The following ZNF449 variants were observed in gnomAD, a reference collection of about 807,000 sequenced individuals.
The protein encoded by ZNF449 is zinc finger protein 449.
ZNF449 carries 4 observed loss-of-function variants against 32.6 expected under a neutral mutation model. That is an observed-to-expected ratio of 0.12 (90% CI 0.06 to 0.28). The LOEUF (loss-of-function observed/expected upper bound fraction) is 0.28. Among genes scored for constraint, ZNF449 ranks in the 10% least tolerant of loss-of-function variants. The pLI is 1.00. For synonymous variants in ZNF449, 123 were observed against 132.2 expected (o/e 0.93, Z 0.48); for missense variants, 275 against 383.2 (o/e 0.72, Z 2.36).
intron 2 of ZNF449, 188 bp downstream of exon 2, chrX:135,347,660 C>G: frequency 1.8e-6 from 2 of 1,109,085 alleles, no homozygotes; most frequent in South Asian, 2.3e-5. Context: ...ACTCAATTCC[C>G]CTTCTATAAC....
rs138231663 is a variant in ZNF449, at chrX:135,349,837, A to G, written c.559+523A>G. On this transcript the variant is annotated intron_variant, in intron 3 of 4. Transcript: ENST00000339249. ...TTTGCAGCATGAACACCACAGGTGC[A>G]TGTTTAGCAAGCTCTGCAGGTGAGT... Among the ~76,000 whole-genome samples, 891 of 111,818 alleles carry G rather than the reference A, an allele frequency of 8.0e-3. 8 individuals carry two copies. The highest frequency in any genetic ancestry group is 0.027 in the African/African-American group (841 of 30,746).
intron 1 of ZNF449, 105 bp from the exon 2 acceptor site, chrX:135,346,914 A>G: frequency 2.9e-6 from 1 of 350,535 alleles, no homozygotes; most frequent in Non-Finnish European, 4.9e-6. Context: ...GTCTTTGGTA[A>G]AAAAGAAGTT....
Position 135,360,710 on chromosome X carries a change from C to A in ZNF449, c.1191C>A (p.His397Gln). The A allele has an allele frequency of 8.3e-7, 1 of 1,210,555 alleles. No homozygotes were observed. The change falls in exon 5 of 5, where the codon CAC becomes CAA. Residue 397 changes from histidine to glutamine, a missense_variant. Transcript: ENST00000339249. ...CTCGGCGGTCACATCTTATAGGGCA[C>A]CAGAGAACCCATTCTGAAGAAGAAA... Reference protein sequence around the residue: ...RFTRRSHLIGHQRTHSEEETY... With the variant: ...RFTRRSHLIGQQRTHSEEETY...
chrX:135,348,729 A>G, intron 2 of ZNF449: 4 of 984,147 alleles, frequency 4.1e-6, no homozygotes, highest in Non-Finnish European at 5.3e-6. Context: ...TTTACTATAT[A>G]AGATTTTATC....
At position 135,360,500 on chromosome X, in the gene ZNF449, G is replaced by A; in HGVS notation, c.981G>A (p.Gln327=). The change falls in exon 5 of 5, where the codon CAG becomes CAA. Residue 327 remains glutamine (Q), a synonymous_variant. Coordinates refer to ENST00000339249, the MANE Select transcript of ZNF449 (RefSeq NM_152695.6). ...GAGAGAAACCTCACCGATGTCCTCA[G>A]TGTGGAAAATGTTTTGCTCGGAAGT... ...SPGEKPHRCP[Q]CGKCFARKSQ... The A allele has an allele frequency of 8.3e-7, 1 of 1,211,640 alleles. No homozygotes were observed. The highest frequency in any genetic ancestry group is 1.8e-5 in the South Asian group (1 of 56,988).
chrX:135,354,405 G>A (rs781883077), intron 3 of ZNF449, among the ~76,000 whole-genome samples: 1 of 112,260 alleles, frequency 8.9e-6, no homozygotes, highest in Admixed American at 9.4e-5. Context: ...GTGAGACATG[G>A]GTCAAAAGTG....
chrX:135,346,982 C>T, intron 1 of ZNF449, 37 bp from the exon 2 acceptor site: 1 of 559,884 alleles, frequency 1.8e-6, no homozygotes, highest in Non-Finnish European at 2.8e-6. Flanking sequence ...CTTGTGACCA[C>T]TCCTGTTTCT....
Position 135,361,600 on chromosome X carries a change from TG to T in ZNF449, c.*526del, listed in dbSNP as rs2084947664. 1 of 111,810 alleles carries T rather than the reference TG, an allele frequency of 8.9e-6. No homozygotes were observed. The highest frequency in any genetic ancestry group is 3.7e-4 in the South Asian group (1 of 2,713). 9.2% of individuals were successfully genotyped at this position (111,810 alleles called of 1,213,427 possible). On this transcript the variant is annotated 3_prime_UTR_variant, in exon 5 of 5. Transcript: ENST00000339249. ...AAGGATGAAGGGGATGTCATTTGCC[TG>T]GTAAGAACTGGGTTATTTCCACTGA...
intron 3 of ZNF449, among the ~76,000 whole-genome samples, chrX:135,350,004 T>C (rs1556449848): frequency 1.1e-5 from 1 of 93,685 alleles, no homozygotes; most frequent in Admixed American, 1.1e-4. Flanking sequence ...GGGTTTTCTA[T>C]TTTTTTTTTT....
intron 4 of ZNF449, 76 bp from the exon 5 acceptor site, chrX:135,360,117 A>G (rs782397742): frequency 2.7e-6 from 3 of 1,103,239 alleles, no homozygotes; most frequent in African/African-American, 1.9e-5. Flanking sequence ...CTGGTTTAAC[A>G]TAACTCTTCA....
At chrX:135,351,722 A>G (rs1556450523) in intron 3 of ZNF449, among the ~76,000 whole-genome samples, 1 of 108,215 alleles carries the variant, frequency 9.2e-6, no homozygotes, top group African/African-American at 3.3e-5. Context: ...TGGAACAAGT[A>G]GTAAAACTTA....
intron 3 of ZNF449, among the ~76,000 whole-genome samples, chrX:135,349,810 C>G (rs1263062097): frequency 6.3e-5 from 7 of 111,588 alleles, no homozygotes; most frequent in African/African-American, 2.3e-4. Flanking sequence ...GTAAGCAGAC[C>G]ATTTGCAGCA....
intron 3 of ZNF449, among the ~76,000 whole-genome samples, chrX:135,353,408 A>T (rs974281582): frequency 1.6e-4 from 18 of 111,766 alleles, no homozygotes; most frequent in African/African-American, 5.8e-4. Flanking sequence ...ACTTAAAAAA[A>T]AAATCAAAAA....
chrX:135,355,352 C>T (rs2084911320), intron 3 of ZNF449, among the ~76,000 whole-genome samples: 2 of 110,623 alleles, frequency 1.8e-5, no homozygotes, highest in South Asian at 3.8e-4. Context: ...TCCAATTCTA[C>T]TCTTAGTTAT....
chrX:135,350,705 A>G (rs1372347257), intron 3 of ZNF449, among the ~76,000 whole-genome samples: 1 of 111,962 alleles, frequency 8.9e-6, no homozygotes, highest in Non-Finnish European at 1.9e-5. Flanking sequence ...CAATTCAGAT[A>G]TGTTAGTAGG....
chrX:135,351,536 A>T (rs893447929), intron 3 of ZNF449, among the ~76,000 whole-genome samples: 1 of 110,004 alleles, frequency 9.1e-6, no homozygotes, highest in Admixed American at 9.7e-5. Flanking sequence ...ATATTTTTAA[A>T]TAAAAGTGAC....
rs782200786 is a variant in ZNF449 at position 135,361,407 on chromosome X, A to G, written c.*331A>G. The G allele has an allele frequency of 4.3e-5, 7 of 162,927 alleles. No homozygotes were observed. Among genetic ancestry groups the G allele is most frequent in the East Asian group, 2.8e-4 (2 of 7,145 alleles). 13.4% of individuals were successfully genotyped at this position (162,927 alleles called of 1,213,427 possible). On this transcript the variant is annotated 3_prime_UTR_variant, in exon 5 of 5. Coordinates refer to ENST00000339249, the MANE Select transcript of ZNF449 (RefSeq NM_152695.6). ...GACAATCCTTTTAGAGGTAGGGTCA[A>G]TATAGTGGATAAACCTGTCTATCAG...
chrX:135,346,303 TG>T (rs1403194052), intron 1 of ZNF449, among the ~76,000 whole-genome samples: 2 of 111,720 alleles, frequency 1.8e-5, no homozygotes, highest in Non-Finnish European at 3.8e-5. Flanking sequence ...GGGGAAGGAA[TG>T]GCATGGGGTT....
At chrX:135,351,674 A>C (rs1383312555) in intron 3 of ZNF449, among the ~76,000 whole-genome samples, 1 of 108,728 alleles carries the variant, frequency 9.2e-6, no homozygotes, top group East Asian at 2.8e-4. Flanking sequence ...AAAAAAAAAA[A>C]AAAAAAAAAA....
Sources: gnomAD v4.1 joint callset for allele counts (sites outside exome capture counted in the v4.1 genomes callset) on GRCh38, gnomAD v4.1.1 for gene constraint, MANE v1.5 for transcripts, NCBI Gene and HGNC (gene_info 2026-07-23, HGNC 2026-07-21) for gene names.